MAPKAP1: variants seen among roughly 807,000 people sequenced by gnomAD.
The protein encoded by MAPKAP1 is MAPK associated protein 1, also known as target of rapamycin complex 2 subunit MAPKAP1.
MAPKAP1 carries 20 observed loss-of-function variants against 65.7 expected under a neutral mutation model. The ratio of observed to expected loss-of-function variants is 0.30; its 90% CI spans 0.21 to 0.44. The LOEUF is 0.44. MAPKAP1 is among the 20% of genes least tolerant of loss of function. The probability of loss-of-function intolerance (pLI) is 1.00; values close to 1 mark genes in which losing one functional copy is unlikely to be tolerated. For synonymous variants in MAPKAP1, 222 were observed against 244.3 expected (o/e 0.91, Z 0.85); for missense variants, 423 against 648.0 (o/e 0.65, Z 3.77).
intron 5 of MAPKAP1, among the ~76,000 whole-genome samples, chr9:125,577,312 C>T (rs1289483365): frequency 3.3e-5 from 5 of 151,314 alleles, no homozygotes; most frequent in African/African-American, 1.2e-4. Context: ...GTGAGGAGCC[C>T]CTCCGCCCGG....
rs773622913 is a variant in MAPKAP1, at chr9:125,437,801, C to T, written c.*1086G>A. The T allele has an allele frequency of 6.6e-6, 1 of 152,308 alleles. No homozygotes were observed. Among genetic ancestry groups the T allele is most frequent in the African/African-American group, 2.4e-5 (1 of 41,474 alleles). The allele number at this position is 152,308 out of a possible 1,614,324, so 9.4% of individuals were successfully genotyped here. On this transcript the variant is annotated 3_prime_UTR_variant, in exon 12 of 12. Coordinates refer to ENST00000265960, the MANE Select transcript of MAPKAP1 (RefSeq NM_001006617.3). ...TAAGGACATCACCGCAGGAGGGACA[C>T]TGAAGAGGCTGTCGAGGACTGCAGA...
At chr9:125,491,843 T>G (rs1335057292) in intron 8 of MAPKAP1, among the ~76,000 whole-genome samples, 2 of 151,958 alleles carry the variant, frequency 1.3e-5, no homozygotes, top group Non-Finnish European at 2.9e-5. Context: ...ATGAAATTAC[T>G]GTTTTTCAAT....
chr9:125,702,261 G>A (rs1182604283), intron 1 of MAPKAP1, among the ~76,000 whole-genome samples: 2 of 152,100 alleles, frequency 1.3e-5, no homozygotes, highest in Non-Finnish European at 1.5e-5. Flanking sequence ...TAGGCCGGGC[G>A]CAGTGGCTCA....
intron 4 of MAPKAP1, among the ~76,000 whole-genome samples, chr9:125,637,044 G>A (rs1412395146): frequency 6.6e-6 from 1 of 152,152 alleles, no homozygotes; most frequent in Non-Finnish European, 1.5e-5. Flanking sequence ...CGAGGTGGGT[G>A]GATCACTTGA....
chr9:125,511,902 G>C (rs1829312614), intron 7 of MAPKAP1, among the ~76,000 whole-genome samples: 1 of 152,134 alleles, frequency 6.6e-6, no homozygotes, highest in African/African-American at 2.4e-5. Context: ...AACCTGCTTG[G>C]GCATTCCAAT....
chr9:125,599,112 T>C (rs1437359017), intron 4 of MAPKAP1, among the ~76,000 whole-genome samples: 1 of 152,056 alleles, frequency 6.6e-6, no homozygotes, highest in African/African-American at 2.4e-5. Flanking sequence ...AAATACTGGT[T>C]ATTATGATGT....
chr9:125,585,459 C>T (rs1831752241), intron 5 of MAPKAP1, 96 bp downstream of exon 5: 1 of 1,335,820 alleles, frequency 7.5e-7, no homozygotes, highest in Non-Finnish European at 1.0e-6. Flanking sequence ...AGTGTGGTTC[C>T]AGGCCAATGC....
rs1020245188 is a variant in MAPKAP1, at chr9:125,585,544, G to C, written c.671+11C>G. ...CAAGAAACTAGAGCAGCCAAAAAGA[G>C]AATGGATTACTTGAGCTTCGGCTCC... On this transcript the variant is annotated intron_variant, in intron 5 of 11. Transcript: ENST00000265960. 3.1e-6 allele frequency: 5 copies of C among 1,612,016 alleles called. No homozygotes were observed. The highest frequency in any genetic ancestry group is 4.2e-6 in the Non-Finnish European group (5 of 1,178,286).
intron 4 of MAPKAP1, among the ~76,000 whole-genome samples, chr9:125,605,790 G>A (rs1324150936): frequency 6.6e-6 from 1 of 152,176 alleles, no homozygotes; most frequent in Non-Finnish European, 1.5e-5. Context: ...GGAATAAAGT[G>A]CAACCTCCAG....
chr9:125,626,034 A>C (rs1833108745), intron 4 of MAPKAP1, among the ~76,000 whole-genome samples: 1 of 152,246 alleles, frequency 6.6e-6, no homozygotes, highest in African/African-American at 2.4e-5. Flanking sequence ...TTAAGGACTG[A>C]ACGTCTACAT....
intron 4 of MAPKAP1, among the ~76,000 whole-genome samples, chr9:125,627,593 T>C (rs551177747): frequency 1.1e-4 from 17 of 152,178 alleles, no homozygotes; most frequent in Admixed American, 8.5e-4. Context: ...CACCTAACTC[T>C]TTTTTATTTT....
intron 4 of MAPKAP1, among the ~76,000 whole-genome samples, chr9:125,586,892 A>T (rs910580666): frequency 6.6e-5 from 10 of 152,198 alleles, no homozygotes; most frequent in African/African-American, 2.4e-4. Flanking sequence ...ATGTGCTGCC[A>T]CCACTAAGCC....
At chr9:125,639,717 A>T (rs1332044490) in intron 4 of MAPKAP1, among the ~76,000 whole-genome samples, 1 of 152,190 alleles carries the variant, frequency 6.6e-6, no homozygotes, top group African/African-American at 2.4e-5. Context: ...GTGACGTCTG[A>T]GTTGGCTCTT....
chr9:125,569,896 G>T (rs971692659), intron 5 of MAPKAP1, among the ~76,000 whole-genome samples: 5 of 152,158 alleles, frequency 3.3e-5, no homozygotes, highest in Admixed American at 2.0e-4. Context: ...AATAAAAACT[G>T]TAATGCCTTT....
chr9:125,607,957 A>G (rs139979158), intron 4 of MAPKAP1, among the ~76,000 whole-genome samples: 1 of 152,336 alleles, frequency 6.6e-6, no homozygotes, highest in East Asian at 1.9e-4. Flanking sequence ...GGCAAAGAGC[A>G]AACAAGTTAC....
chr9:125,617,182 C>T (rs114397642), intron 4 of MAPKAP1, among the ~76,000 whole-genome samples: 1,714 of 152,238 alleles, frequency 0.011, 42 homozygotes, highest in African/African-American at 0.038. Context: ...GTTTGTAGAT[C>T]GGGCACAATG....
intron 7 of MAPKAP1, among the ~76,000 whole-genome samples, chr9:125,513,544 C>T (rs1829371347): frequency 6.6e-6 from 1 of 152,210 alleles, no homozygotes; most frequent in East Asian, 1.9e-4. Flanking sequence ...GCCAGCTATG[C>T]ATCCTTGGGA....
chr9:125,689,458 A>AT (rs1835096810), intron 1 of MAPKAP1, among the ~76,000 whole-genome samples: 1 of 146,180 alleles, frequency 6.8e-6, no homozygotes, highest in Non-Finnish European at 1.5e-5. Flanking sequence ...AAAAAAAAAA[A>AT]AAAACAGGCC....
chr9:125,695,043 T>C (rs1835342581), intron 1 of MAPKAP1, among the ~76,000 whole-genome samples: 2 of 152,370 alleles, frequency 1.3e-5, no homozygotes, highest in South Asian at 4.1e-4. Flanking sequence ...ATGTGAATTC[T>C]TATTGTGTTT....
Sources: gnomAD v4.1 joint callset for allele counts (sites outside exome capture counted in the v4.1 genomes callset) on GRCh38, gnomAD v4.1.1 for gene constraint, MANE v1.5 for transcripts, NCBI Gene and HGNC (gene_info 2026-07-23, HGNC 2026-07-21) for gene names.